Variants in GNG7 observed in about 807,000 individuals in gnomAD.
GNG7 encodes the protein G protein subunit gamma 7, also known as guanine nucleotide-binding protein G(I)/G(S)/G(O) subunit gamma-7.
In GNG7, 1 loss-of-function variant was observed where a neutral mutation model predicts 4.0. That is an observed-to-expected ratio of 0.25 (90% confidence interval 0.09 to 1.18). The LOEUF (loss-of-function observed/expected upper bound fraction) is 1.18, where lower values mean the gene tolerates loss of function less well. Among genes scored for constraint, GNG7 ranks in the 50% most tolerant of loss-of-function variants. The probability of loss-of-function intolerance (pLI) is 0.50; values close to 1 mark genes in which losing one functional copy is unlikely to be tolerated. For synonymous variants in GNG7, 34 were observed against 36.9 expected (o/e 0.92, Z 0.29); for missense variants, 86 against 91.9 (o/e 0.94, Z 0.26).
chr19:2,594,321 C>T (rs988015190), intron 2 of GNG7, among the ~76,000 whole-genome samples: 6 of 150,996 alleles, frequency 4.0e-5, no homozygotes, highest in Non-Finnish European at 7.4e-5. Context: ...TGCAGTGAGC[C>T]GAGATATCAC....
At position 2,617,002 on chromosome 19, in the gene GNG7, T is replaced by C. The variant is rs1485220511; in HGVS notation, c.-78+29222A>G. Among the ~76,000 whole-genome samples the C allele has an allele frequency of 6.6e-6, 1 of 152,204 alleles. No homozygotes were observed. The highest frequency in any genetic ancestry group is 6.5e-5 in the Admixed American group (1 of 15,274). ...GTCTTGGAATCAGAAGGTTCTGGCA[T>C]GAAAGCTTTGCACCAGCCTTCCACC... is the stretch of plus-strand genomic sequence containing the variant. On this transcript the variant is annotated intron_variant, in intron 2 of 4. Coordinates refer to ENST00000382159, the MANE Select transcript of GNG7 (RefSeq NM_052847.3). The surrounding 1 kb of genome is among the most constrained non-coding windows in gnomAD (Gnocchi z 4.7).
In GNG7 at chr19:2,513,225, CG is replaced by C; in HGVS notation, c.*1796del. On this transcript the variant is annotated 3_prime_UTR_variant, in exon 5 of 5. Coordinates refer to ENST00000382159, the MANE Select transcript of GNG7 (RefSeq NM_052847.3). ...GAGCCAAGCAGGGATCCCCGCCTCA[CG>C]GGCCTGCACGGAGGACCTGGGCGGC... 2 of 764,892 alleles carry C rather than the reference CG, an allele frequency of 2.6e-6. No homozygotes were observed. The highest frequency in any genetic ancestry group is 3.8e-5 in the African/African-American group (2 of 53,032). The allele number at this position is 764,892 out of a possible 1,614,324, so 47.4% of individuals were successfully genotyped here. A position where few individuals can be genotyped will look rare whatever the true frequency, so the allele number is the denominator to read the frequency against.
intron 1 of GNG7, among the ~76,000 whole-genome samples, chr19:2,659,331 C>G (rs1274799414): frequency 6.7e-6 from 1 of 150,288 alleles, no homozygotes; most frequent in Admixed American, 6.6e-5. Context: ...GTCATCCCAG[C>G]ACTTTGAGAG....
chr19:2,545,832 T>C (rs1979106326), intron 3 of GNG7, among the ~76,000 whole-genome samples: 1 of 148,196 alleles, frequency 6.7e-6, no homozygotes, highest in African/African-American at 2.5e-5. Context: ...GGTGGGCACC[T>C]GTAATGCCAC....
At chr19:2,524,349 T>G (rs1978329820) in intron 3 of GNG7, among the ~76,000 whole-genome samples, 1 of 152,196 alleles carries the variant, frequency 6.6e-6, no homozygotes, top group South Asian at 2.1e-4. Flanking sequence ...GTGTCTATGT[T>G]TATTTGCATG....
At position 2,633,455 on chromosome 19, in the gene GNG7, G is replaced by T. The variant is rs1190781704; in HGVS notation, c.-78+12769C>A. Among the ~76,000 whole-genome samples the T allele has an allele frequency of 6.6e-6, 1 of 151,328 alleles. No individual in the cohort carries two copies. Among genetic ancestry groups the T allele is most frequent in the East Asian group, 2.0e-4 (1 of 5,124 alleles). The stretch of plus-strand genomic sequence containing the variant: ...TCTGTGGGAGGCTGACTGTTCAAGC[G>T]GTTGCTTAGCAACAGGCGCGCGCGC... On this transcript the variant is annotated intron_variant, in intron 2 of 4. Transcript: ENST00000382159. The surrounding 1 kb of genome is among the most constrained non-coding windows in gnomAD (Gnocchi z 5.9).
intron 2 of GNG7, among the ~76,000 whole-genome samples, chr19:2,604,341 G>A (rs1223742885): frequency 1.3e-5 from 2 of 151,700 alleles, no homozygotes; most frequent in East Asian, 1.9e-4. Flanking sequence ...ATGTGGTGGC[G>A]TGTGCTTGTG....
intron 1 of GNG7, among the ~76,000 whole-genome samples, chr19:2,679,597 C>T (rs1341569647): frequency 1.3e-5 from 2 of 152,150 alleles, no homozygotes; most frequent in Non-Finnish European, 2.9e-5. Flanking sequence ...AATCCAATGC[C>T]TCACCATGCC....
At chr19:2,545,980 C>CAA (rs150879449) in intron 3 of GNG7, among the ~76,000 whole-genome samples, 6 of 149,074 alleles carry the variant, frequency 4.0e-5, no homozygotes, top group Non-Finnish European at 7.4e-5. Context: ...CAAAACAAAA[C>CAA]AAACAAACGA....
At chr19:2,646,758 A>G (rs1982677390) in intron 1 of GNG7, among the ~76,000 whole-genome samples, 1 of 152,200 alleles carries the variant, frequency 6.6e-6, no homozygotes, top group African/African-American at 2.4e-5. Context: ...GAGATTTATG[A>G]CGTTATTCCT....
intron 2 of GNG7, among the ~76,000 whole-genome samples, chr19:2,567,020 G>A (rs553232948): frequency 1.3e-5 from 2 of 151,754 alleles, no homozygotes; most frequent in South Asian, 2.1e-4. Context: ...CAGGAGAATC[G>A]CTTGAATCCG....
intron 2 of GNG7, among the ~76,000 whole-genome samples, chr19:2,584,878 GGGAT>G (rs1980612759): frequency 1.6e-4 from 5 of 30,658 alleles, no homozygotes; most frequent in South Asian, 2.7e-3. Flanking sequence ...GAGGGAGGGA[GGGAT>G]AGAGGGAGGG....
intron 3 of GNG7, among the ~76,000 whole-genome samples, chr19:2,551,159 TC>T (rs1199587165): frequency 3.9e-5 from 6 of 152,212 alleles, no homozygotes; most frequent in Non-Finnish European, 1.5e-5. Context: ...CACTTGTGTG[TC>T]CCAGAGGACG....
At chr19:2,558,077 G>C (rs1979621571) in intron 2 of GNG7, among the ~76,000 whole-genome samples, 1 of 151,900 alleles carries the variant, frequency 6.6e-6, no homozygotes, top group African/African-American at 2.4e-5. Context: ...TCCTGACCTC[G>C]TGATCCGCCC....
chr19:2,522,251 C>T (rs1034784565), intron 3 of GNG7, among the ~76,000 whole-genome samples: 3 of 152,022 alleles, frequency 2.0e-5, no homozygotes, highest in East Asian at 1.9e-4. Flanking sequence ...AAACCTGCTT[C>T]GTAGGACCCA....
Position 2,511,918 on chromosome 19 carries a change from G to C in GNG7, c.*3104C>G, listed in dbSNP as rs1202870701. The C allele has an allele frequency of 8.1e-6, 8 of 986,222 alleles. No individual in the cohort carries two copies. In the East Asian group the frequency reaches 6.8e-4, roughly 84 times the overall value. The allele number at this position is 986,222 out of a possible 1,614,324, so 61.1% of individuals were successfully genotyped here. A position where few individuals can be genotyped will look rare whatever the true frequency, so the allele number is the denominator to read the frequency against. ...GAGGAGGGCAGGGGAGGCGGAGCTGGTCCGGGAAGGTGCCCAGGTGGGTCA... is the reference window on the plus strand; with the variant it reads ...GAGGAGGGCAGGGGAGGCGGAGCTGCTCCGGGAAGGTGCCCAGGTGGGTCA... On this transcript the variant is annotated 3_prime_UTR_variant, in exon 5 of 5. Coordinates refer to ENST00000382159, the MANE Select transcript of GNG7 (RefSeq NM_052847.3). This position sits in a 1 kb window ranked among gnomAD's most constrained non-coding sequence, Gnocchi z 6.3.
At chr19:2,655,712 G>A (rs1333664337) in intron 1 of GNG7, among the ~76,000 whole-genome samples, 4 of 150,988 alleles carry the variant, frequency 2.6e-5, no homozygotes, top group Non-Finnish European at 3.0e-5. Flanking sequence ...GGTGGCGGGC[G>A]CCTGTAGTCC....
At chr19:2,622,662 A>G (rs1439641267) in intron 2 of GNG7, among the ~76,000 whole-genome samples, 1 of 138,728 alleles carries the variant, frequency 7.2e-6, no homozygotes, top group African/African-American at 2.8e-5. Context: ...GGGGAACCCA[A>G]CGCGAGCAAC....
intron 2 of GNG7, among the ~76,000 whole-genome samples, chr19:2,638,282 A>G (rs1982370246): frequency 6.7e-6 from 1 of 149,906 alleles, no homozygotes; most frequent in Non-Finnish European, 1.5e-5. Flanking sequence ...GAATTACTTG[A>G]GCCTGGGAGG....
Sources: allele counts gnomAD v4.1 joint callset (sites outside exome capture counted in the v4.1 genomes callset), GRCh38; gene constraint gnomAD v4.1.1; non-coding constraint Gnocchi (gnomAD v3.1); transcripts MANE v1.5; gene names NCBI Gene and HGNC (gene_info 2026-07-23, HGNC 2026-07-21).